The following NUP205 variants were observed in gnomAD, a reference collection of about 807,000 sequenced individuals.
NUP205 encodes nuclear pore complex protein Nup205.
NUP205 carries 76 observed loss-of-function variants against 253.8 expected under a neutral mutation model. That is an observed-to-expected ratio of 0.30 (90% CI 0.25 to 0.36). The LOEUF (loss-of-function observed/expected upper bound fraction) is 0.36, where lower values mean the gene tolerates loss of function less well. Ranked by LOEUF, NUP205 falls within the 10% of genes least tolerant of loss-of-function variation. NUP205 has a pLI of 1.00. For missense variants in NUP205, 2,162 were observed against 2,425.5 expected, an observed-to-expected ratio of 0.89 and a Z score of 2.28; for synonymous variants, 832 against 850.1, an observed-to-expected ratio of 0.98 and a Z score of 0.37.
rs535130444 is a variant in NUP205, at chr7:135,589,521, C to T, written c.1473+1529C>T. ...CAGGCTGGTCTCGAACTCCCGACCTCAGGTGATCCACTCGCCTCAGCCTCC... is the reference window on the plus strand; with the variant it reads ...CAGGCTGGTCTCGAACTCCCGACCTTAGGTGATCCACTCGCCTCAGCCTCC... On this transcript the variant is annotated intron_variant, in intron 10 of 42. Transcript: ENST00000285968. Among the ~76,000 whole-genome samples the T allele has an allele frequency of 6.6e-5, 10 of 151,396 alleles. No individual in the cohort carries two copies. In the South Asian group the frequency reaches 1.9e-3, roughly 29 times the overall value.
intron 7 of NUP205, among the ~76,000 whole-genome samples, chr7:135,579,384 G>C (rs1806244830): frequency 6.6e-6 from 1 of 151,894 alleles, no homozygotes; most frequent in African/African-American, 2.4e-5. Context: ...AGTAGAAATG[G>C]GGTTTCTCCA....
At chr7:135,619,362 A>AT in intron 28 of NUP205, 61 bp from the exon 29 acceptor site, 2 of 1,537,182 alleles carry the variant, frequency 1.3e-6, no homozygotes, top group South Asian at 2.4e-5. Context: ...AAGCTATGAA[A>AT]TTTGTTAATG....
intron 1 of NUP205, among the ~76,000 whole-genome samples, chr7:135,564,166 C>T (rs1226631382): frequency 6.6e-6 from 1 of 151,598 alleles, no homozygotes; most frequent in Non-Finnish European, 1.5e-5. Flanking sequence ...ACAGCCTCTA[C>T]CCTCTGAGAC....
Position 135,638,073 on chromosome 7 carries a change from G to T in NUP205, c.5265+14G>T. On this transcript the variant is annotated intron_variant, in intron 37 of 42. Coordinates refer to ENST00000285968, the MANE Select transcript of NUP205 (RefSeq NM_015135.3). Reference sequence around the variant, plus strand: ...GCTATGCAGCAGGTAAGAACCATGTGACTTCTCTAAGGTTTTTATGTTTTT... The same window carrying T: ...GCTATGCAGCAGGTAAGAACCATGTTACTTCTCTAAGGTTTTTATGTTTTT... The T allele has an allele frequency of 6.2e-7, 1 of 1,607,166 alleles. No homozygotes were observed. Among genetic ancestry groups the T allele is most frequent in the South Asian group, 1.1e-5 (1 of 89,826 alleles).
In NUP205 at chr7:135,565,290, T is replaced by C. The variant is rs118022296; in HGVS notation, c.29-5815T>C. ...TTTCTGAAATGTCTGTGGTAAGGTATATTTCAGATTTGCATAGGAGTCATC... is the reference window on the plus strand; with the variant it reads ...TTTCTGAAATGTCTGTGGTAAGGTACATTTCAGATTTGCATAGGAGTCATC... On this transcript the variant is annotated intron_variant, in intron 1 of 42. Transcript: ENST00000285968. Among the ~76,000 whole-genome samples, 1,473 of 152,294 alleles carry C rather than the reference T, an allele frequency of 9.7e-3. 14 individuals carry two copies. Among genetic ancestry groups the C allele is most frequent in the Non-Finnish European group, 0.014 (975 of 68,030 alleles).
At chr7:135,614,352 G>T in intron 23 of NUP205, 79 bp downstream of exon 23, 3 of 802,668 alleles carry the variant, frequency 3.7e-6, no homozygotes, top group South Asian at 1.6e-5. Context: ...CAATATTTGG[G>T]GGAATTCTGT....
intron 1 of NUP205, among the ~76,000 whole-genome samples, chr7:135,565,717 A>G (rs1055484976): frequency 6.6e-6 from 1 of 152,106 alleles, no homozygotes; most frequent in African/African-American, 2.4e-5. Context: ...TAAGTGGCTT[A>G]CTTACCTCTT....
At chr7:135,631,772 C>T (rs573115361) in intron 35 of NUP205, among the ~76,000 whole-genome samples, 41 of 137,718 alleles carry the variant, frequency 3.0e-4, no homozygotes, top group Non-Finnish European at 5.2e-4. Context: ...TTTTTTGAGA[C>T]GGAGTCTTGC....
At chr7:135,570,083 A>AGAGAGT (rs1554456270) in intron 1 of NUP205, among the ~76,000 whole-genome samples, 253 of 149,198 alleles carry the variant, frequency 1.7e-3, no homozygotes, top group African/African-American at 2.7e-3. Flanking sequence ...AGAGAGAGAG[A>AGAGAGT]GAGAGAGAGA....
intron 3 of NUP205, among the ~76,000 whole-genome samples, chr7:135,575,120 A>G (rs1020582837): frequency 6.6e-6 from 1 of 152,248 alleles, no homozygotes; most frequent in South Asian, 2.1e-4. Context: ...AAATACGCTC[A>G]TATTCTAATA....
At chr7:135,607,422 G>A (rs753828432) in intron 22 of NUP205, 51 bp downstream of exon 22, 11 of 1,594,400 alleles carry the variant, frequency 6.9e-6, no homozygotes, top group Middle Eastern at 3.8e-4. Flanking sequence ...ACTTGACCAG[G>A]TGCATGAGTA....
intron 16 of NUP205, 140 bp downstream of exon 16, chr7:135,601,109 T>A (rs1793956762): frequency 3.3e-6 from 2 of 602,536 alleles, no homozygotes; most frequent in East Asian, 5.9e-5. Flanking sequence ...CATTTTAATT[T>A]TTCTGTTCAA....
intron 13 of NUP205, among the ~76,000 whole-genome samples, chr7:135,595,030 T>G (rs1429087260): frequency 6.6e-6 from 1 of 152,172 alleles, no homozygotes; most frequent in African/African-American, 2.4e-5. Context: ...GTCCACTCTG[T>G]CTTTAAACCA....
At chr7:135,598,240 T>C in intron 15 of NUP205, 33 bp downstream of exon 15, 5 of 1,543,330 alleles carry the variant, frequency 3.2e-6, no homozygotes, top group Non-Finnish European at 4.5e-6. Context: ...TTTCTCCTTA[T>C]GCATTTACTG....
chr7:135,635,496 T>C, intron 35 of NUP205, 85 bp from the exon 36 acceptor site: 1 of 777,428 alleles, frequency 1.3e-6, no homozygotes, highest in Non-Finnish European at 2.1e-6. Context: ...ACATAAACAA[T>C]ATAAAATATT....
At chr7:135,609,104 C>CA (rs1163880987) in intron 22 of NUP205, among the ~76,000 whole-genome samples, 16,990 of 65,974 alleles carry the variant, frequency 0.26, 1,724 homozygotes, top group South Asian at 0.29. Flanking sequence ...AACTCCGTCT[C>CA]AAAAAAAAAA....
chr7:135,562,772 C>T (rs965086607), intron 1 of NUP205, among the ~76,000 whole-genome samples: 16 of 151,896 alleles, frequency 1.1e-4, no homozygotes, highest in African/African-American at 3.1e-4. Context: ...GTCTTGATCT[C>T]CTGACCTCGT....
At chr7:135,642,065 G>A (rs1180632342) in intron 38 of NUP205, among the ~76,000 whole-genome samples, 1 of 151,776 alleles carries the variant, frequency 6.6e-6, no homozygotes, top group African/African-American at 2.4e-5. Flanking sequence ...GACCAGCCTG[G>A]CCATCATGGT....
intron 1 of NUP205, among the ~76,000 whole-genome samples, chr7:135,563,354 A>AT (rs1346842811): frequency 1.3e-5 from 2 of 151,408 alleles, no homozygotes; most frequent in Non-Finnish European, 2.9e-5. Context: ...CGCCTGGCTA[A>AT]TTTTTTGTAT....
Sources: gnomAD v4.1 joint callset for allele counts (sites outside exome capture counted in the v4.1 genomes callset) on GRCh38, gnomAD v4.1.1 for gene constraint, MANE v1.5 for transcripts, NCBI Gene and HGNC (gene_info 2026-07-23, HGNC 2026-07-21) for gene names.